The following REST variants were observed in gnomAD, a reference collection of about 807,000 sequenced individuals.
REST encodes the protein RE1 silencing transcription factor.
In REST, 1 loss-of-function variant was observed where a neutral mutation model predicts 30.4. That is an observed-to-expected ratio of 0.03 (90% CI 0.01 to 0.16). The LOEUF (loss-of-function observed/expected upper bound fraction) is 0.16. Among genes scored for constraint, REST ranks in the 10% least tolerant of loss-of-function variants. The probability of loss-of-function intolerance (pLI) is 1.00; values close to 1 mark genes in which losing one functional copy is unlikely to be tolerated. For missense variants in REST, 1,259 were observed against 1,329.5 expected (o/e 0.95, Z 0.82); for synonymous variants, 504 against 451.1 (o/e 1.12, Z -1.49).
intron 2 of REST, among the ~76,000 whole-genome samples, chr4:56,919,376 T>TAA (rs34219963): frequency 6.7e-6 from 1 of 149,188 alleles, no homozygotes; most frequent in Non-Finnish European, 1.5e-5. Context: ...ATTTACAAGT[T>TAA]AAAAAAAAAA....
intron 2 of REST, among the ~76,000 whole-genome samples, chr4:56,916,658 A>G (rs1309864421): frequency 6.6e-6 from 1 of 152,210 alleles, no homozygotes; most frequent in Non-Finnish European, 1.5e-5. Flanking sequence ...ATAATAAAAT[A>G]AAAGAATTTA....
Position 56,911,102 on chromosome 4 carries a change from A to G in REST, c.464A>G (p.Lys155Arg). Residue 155 changes from lysine (K) to arginine (R), a missense_variant, in exon 2 of 4, where the codon AAG (lysine) becomes AGG (arginine). By Grantham distance (26) the Lys-to-Arg change is conservative. Transcript: ENST00000309042. ...GCGGAGGACAAAGGCAAGAGCTCGA[A>G]GACCAAACCCTTTCGCTGTAAGCCA... is the stretch of plus-strand genomic sequence containing the variant. ...PGAEDKGKSS[K>R]TKPFRCKPCQ... The G allele has an allele frequency of 1.2e-6, 2 of 1,614,242 alleles. No individual in the cohort carries two copies. The highest frequency in any genetic ancestry group is 2.2e-5 in the South Asian group (2 of 91,088).
Position 56,910,820 on chromosome 4 carries a change from G to A in REST, c.182G>A (p.Ser61Asn). The change falls in exon 2 of 4, where the codon AGC (serine) becomes AAC (asparagine). Residue 61 changes from serine (S) to asparagine (N), a missense_variant. This residue lies in a region of REST where 249 missense variants were observed against 251.5 expected (regional missense o/e 0.99). Transcript: ENST00000309042. ...GCCTTAACTGGGGAAGTAAATGGCA[G>A]CTGCTGTGATTACCTGGTCGGTGAA... Reference protein sequence around the residue: ...NVALTGEVNGSCCDYLVGEER... With the variant: ...NVALTGEVNGNCCDYLVGEER... The A allele has an allele frequency of 6.2e-7, 1 of 1,612,754 alleles. No individual in the cohort carries two copies. Among genetic ancestry groups the A allele is most frequent in the Non-Finnish European group, 8.5e-7 (1 of 1,178,842 alleles).
chr4:56,910,617 G>T lies in REST; in HGVS notation c.-9-13G>T, dbSNP rs1719849878. 2 of 1,575,980 alleles carry T rather than the reference G, an allele frequency of 1.3e-6. No homozygotes were observed. Among genetic ancestry groups the T allele is most frequent in the Non-Finnish European group, 1.7e-6 (2 of 1,159,332 alleles). ...TAAACTGGTGCTCTTGTTTTGTTTT[G>T]TTTTTAATTCAGAATACAGTTATGG... On this transcript the variant is annotated splice_polypyrimidine_tract_variant and intron_variant, in intron 1 of 3. Coordinates refer to ENST00000309042, the MANE Select transcript of REST (RefSeq NM_005612.5).
chr4:56,912,101 C>A (rs1719955460), intron 2 of REST, among the ~76,000 whole-genome samples: 1 of 152,140 alleles, frequency 6.6e-6, no homozygotes. Context: ...GCCCACTTAA[C>A]AAAAGCCTCA....
rs1292699206 is a variant in REST at position 56,930,291 on chromosome 4, A to C, written c.1433A>C (p.Lys478Thr). The change falls in exon 4 of 4, where the codon AAG (lysine) becomes ACG (threonine). Residue 478 changes from lysine to threonine, a missense_variant. By Grantham distance (78) the Lys-to-Thr change is moderately conservative. Transcript: ENST00000309042. ...AEKRDVSKEKKPSNNVSVIQV... is the reference protein window; with the variant it reads ...AEKRDVSKEKTPSNNVSVIQV... ...AAAAGAGATGTCTCAAAAGAGAAAA[A>C]GCCTTCTAATAATGTGTCAGTGATC... 1.2e-6 allele frequency: 2 copies of C among 1,613,656 alleles called. No individual in the cohort carries two copies. The highest frequency in any genetic ancestry group is 4.5e-5 in the East Asian group (2 of 44,880).
At position 56,930,507 on chromosome 4, in the gene REST, A is replaced by G. The variant is rs758332878; in HGVS notation, c.1649A>G (p.Lys550Arg). 1.5e-5 allele frequency: 24 copies of G among 1,611,174 alleles called. No individual in the cohort carries two copies. The Admixed American group carries it at 4.0e-4, about 27-fold the overall frequency. Residue 550 changes from lysine (K) to arginine (R), a missense_variant, in exon 4 of 4, where the codon AAA (lysine) becomes AGA (arginine). Physicochemically the swap from Lys to Arg is conservative, Grantham distance 26. This residue lies in a region of REST where 856 missense variants were observed against 772.8 expected (regional missense o/e 1.11). Transcript: ENST00000309042. ...STKKKKKVES[K>R]SKNNSQEVPK... ...AAAAAGAAAAAGAAGGTAGAAAGCAAATCCAAAAATAATAGTCAGGAAGTG... is the reference window on the plus strand; with the variant it reads ...AAAAAGAAAAAGAAGGTAGAAAGCAGATCCAAAAATAATAGTCAGGAAGTG...
At position 56,930,155 on chromosome 4, in the gene REST, C is replaced by A; in HGVS notation, c.1297C>A (p.Arg433=). The stretch of plus-strand genomic sequence containing the variant: ...AGTGAAACTAAAGAAAACCAAAAAA[C>A]GAGAGGCTGACTTGCCTGATAATAT... ...SKVKLKKTKK[R]EADLPDNITN... is the part of the protein sequence containing the mutation. The change falls in exon 4 of 4, where the codon CGA becomes AGA. Residue 433 remains arginine, a synonymous_variant. Coordinates refer to ENST00000309042, the MANE Select transcript of REST (RefSeq NM_005612.5). 3 of 1,613,134 alleles carry A rather than the reference C, an allele frequency of 1.9e-6. No homozygotes were observed. Among genetic ancestry groups the A allele is most frequent in the Non-Finnish European group, 2.5e-6 (3 of 1,179,842 alleles).
In REST at chr4:56,931,243, G is replaced by C; in HGVS notation, c.2385G>C (p.Arg795Ser). 6.2e-7 allele frequency: 1 copy of C among 1,614,198 alleles called. No individual in the cohort carries two copies. The highest frequency in any genetic ancestry group is 8.5e-7 in the Non-Finnish European group (1 of 1,180,016). Residue 795 changes from arginine to serine, a missense_variant, in exon 4 of 4, where the codon AGG becomes AGC. By Grantham distance (110) the Arg-to-Ser change is moderately radical. This residue lies in a region of REST where 856 missense variants were observed against 772.8 expected (regional missense o/e 1.11). Transcript: ENST00000309042. The stretch of plus-strand genomic sequence containing the variant: ...TGGTTCAGAAGGAGCCTGCTCAGAG[G>C]GAGCCACCTCCTCCCAGAGAGCCTC... ...MGVVQKEPAQ[R>S]EPPPPREPPL...
At chr4:56,915,208 G>C (rs570261933) in intron 2 of REST, among the ~76,000 whole-genome samples, 1 of 141,136 alleles carries the variant, frequency 7.1e-6, no homozygotes, top group Non-Finnish European at 1.5e-5. Flanking sequence ...GAGCCACCAC[G>C]CCTGGCCAAT....
At chr4:56,909,746 G>A (rs544488811) in intron 1 of REST, among the ~76,000 whole-genome samples, 8 of 152,294 alleles carry the variant, frequency 5.3e-5, no homozygotes, top group Non-Finnish European at 1.0e-4. Context: ...GAGAAGTAAC[G>A]TAGCATCTAG....
In REST at chr4:56,933,391, A is replaced by C. The variant is rs1435534087; in HGVS notation, c.*1239A>C. On this transcript the variant is annotated 3_prime_UTR_variant, in exon 4 of 4. Coordinates refer to ENST00000309042, the MANE Select transcript of REST (RefSeq NM_005612.5). ...TAATTATTCCTTCAAGTTTTATAGA[A>C]TATCACTTGGGAGATTCCAAAGCCA... The C allele has an allele frequency of 6.6e-6, 1 of 152,234 alleles. No homozygotes were observed. Among genetic ancestry groups the C allele is most frequent in the Non-Finnish European group, 1.5e-5 (1 of 68,040 alleles). 9.4% of individuals were successfully genotyped at this position (152,234 alleles called of 1,614,324 possible). A position where few individuals can be genotyped will look rare whatever the true frequency, so the allele number is the denominator to read the frequency against.
At chr4:56,921,655 G>A (rs907951386) in intron 3 of REST, among the ~76,000 whole-genome samples, 5 of 151,884 alleles carry the variant, frequency 3.3e-5, no homozygotes, top group Admixed American at 6.6e-5. Context: ...AGTGGTCTGC[G>A]CATCTTGGCC....
chr4:56,915,207 C>T (rs1189387178), intron 2 of REST, among the ~76,000 whole-genome samples: 6 of 148,310 alleles, frequency 4.0e-5, no homozygotes, highest in Non-Finnish European at 5.9e-5. Context: ...TGAGCCACCA[C>T]GCCTGGCCAA....
At chr4:56,919,762 C>T in intron 2 of REST, 25 bp from the exon 3 acceptor site, 1 of 1,459,920 alleles carries the variant, frequency 6.8e-7, no homozygotes. Flanking sequence ...CATTTAAACA[C>T]TCTTATATTA....
At position 56,931,593 on chromosome 4, in the gene REST, A is replaced by C. The variant is rs775073659; in HGVS notation, c.2735A>C (p.Asn912Thr). ...ADESLPGLAA[N>T]INESTHISSS... ...GAGAGCCTACCTGGTCTTGCTGCTA[A>C]TATCAACGAATCTACCCATATTTCA... Residue 912 changes from asparagine (N) to threonine (T), a missense_variant, in exon 4 of 4, where the codon AAT becomes ACT. Physicochemically the swap from Asn to Thr is moderately conservative, Grantham distance 65. Coordinates refer to ENST00000309042, the MANE Select transcript of REST (RefSeq NM_005612.5). 15 of 1,614,252 alleles carry C rather than the reference A, an allele frequency of 9.3e-6. No homozygotes were observed. Among genetic ancestry groups the C allele is most frequent in the Non-Finnish European group, 1.2e-5 (14 of 1,180,044 alleles).
intron 1 of REST, 84 bp from the exon 2 acceptor site, chr4:56,910,546 A>G: frequency 8.4e-7 from 1 of 1,196,622 alleles, no homozygotes; most frequent in African/African-American, 1.5e-5. Context: ...TTTTTAAGTT[A>G]TGAAGAATTA....
At position 56,912,449 on chromosome 4, in the gene REST, C is replaced by T. The variant is rs115742532; in HGVS notation, c.898+913C>T. ...TCTGCCTCAGGGTTCAAGTGATTAT[C>T]TTGCTTCAGCCTCCCTGGCTCAGCC... On this transcript the variant is annotated intron_variant, in intron 2 of 3. Coordinates refer to ENST00000309042, the MANE Select transcript of REST (RefSeq NM_005612.5). 2.5e-3 allele frequency among the ~76,000 whole-genome samples: 371 copies of T among 145,824 alleles called. 2 individuals carry two copies. Among genetic ancestry groups the T allele is most frequent in the African/African-American group, 8.9e-3 (353 of 39,456 alleles).
At chr4:56,919,525 A>G in intron 2 of REST, among the ~76,000 whole-genome samples, 1 of 152,208 alleles carries the variant, frequency 6.6e-6, no homozygotes, top group East Asian at 1.9e-4. Context: ...ATGCAGTATC[A>G]CTGTGAAAAT....
Sources: allele counts gnomAD v4.1 joint callset (sites outside exome capture counted in the v4.1 genomes callset), GRCh38; gene constraint gnomAD v4.1.1; regional missense constraint gnomAD v4.1.1; transcripts MANE v1.5; gene names NCBI Gene and HGNC (gene_info 2026-07-23, HGNC 2026-07-21).